TAOK3: variants seen among roughly 807,000 people sequenced by gnomAD.
The protein encoded by TAOK3 is TAO kinase 3, also known as serine/threonine-protein kinase TAO3.
A neutral mutation model predicts 120.4 loss-of-function variants in TAOK3; 40 were observed. That is an observed-to-expected ratio of 0.33 (90% CI 0.26 to 0.43). The LOEUF (loss-of-function observed/expected upper bound fraction) is 0.43, where lower values mean the gene tolerates loss of function less well. Ranked by LOEUF, TAOK3 falls within the 20% of genes least tolerant of loss-of-function variation. The pLI is 1.00. For synonymous variants in TAOK3, 355 were observed against 387.5 expected, an observed-to-expected ratio of 0.92 and a Z score of 0.99; for missense variants, 821 against 1,112.1, an observed-to-expected ratio of 0.74 and a Z score of 3.72.
intron 1 of TAOK3, among the ~76,000 whole-genome samples, chr12:118,320,408 G>A (rs1380453334): frequency 1.3e-5 from 2 of 151,642 alleles, no homozygotes; most frequent in Admixed American, 6.6e-5. Flanking sequence ...CCTGGACAAC[G>A]TAGCAAGACA....
intron 1 of TAOK3, among the ~76,000 whole-genome samples, chr12:118,291,104 C>A (rs2042460062): frequency 6.6e-6 from 1 of 151,572 alleles, no homozygotes; most frequent in Non-Finnish European, 1.5e-5. Flanking sequence ...GATCTGTCTG[C>A]CTCGGCGTCC....
chr12:118,353,663 A>G (rs968571746), intron 1 of TAOK3, among the ~76,000 whole-genome samples: 1 of 152,156 alleles, frequency 6.6e-6, no homozygotes, highest in Non-Finnish European at 1.5e-5. Context: ...ACGAGGCAAC[A>G]AGGGTCTGAA....
chr12:118,303,708 C>T (rs879580537), intron 1 of TAOK3, among the ~76,000 whole-genome samples: 13 of 152,200 alleles, frequency 8.5e-5, no homozygotes, highest in Non-Finnish European at 1.3e-4. Context: ...AGTGCAATGG[C>T]ATGATCTCGG....
intron 1 of TAOK3, among the ~76,000 whole-genome samples, chr12:118,287,136 G>A (rs1012198440): frequency 1.3e-5 from 2 of 152,028 alleles, no homozygotes; most frequent in Non-Finnish European, 2.9e-5. Flanking sequence ...TGGGTGATGG[G>A]TGCACCAAAA....
intron 3 of TAOK3, among the ~76,000 whole-genome samples, chr12:118,253,921 T>C (rs1010291347): frequency 2.0e-5 from 3 of 151,856 alleles, no homozygotes; most frequent in Non-Finnish European, 2.9e-5. Context: ...TGGTGGCACA[T>C]GCCTGTAATC....
rs1593091428 is a variant in TAOK3, at chr12:118,187,627, T to C, written c.1329+2180A>G. Among the ~76,000 whole-genome samples, 6 of 152,130 alleles carry C rather than the reference T, an allele frequency of 3.9e-5. No individual in the cohort carries two copies. In the South Asian group the frequency reaches 1.2e-3, roughly 32 times the overall value. On this transcript the variant is annotated intron_variant, in intron 14 of 20. Coordinates refer to ENST00000392533, the MANE Select transcript of TAOK3 (RefSeq NM_016281.4). ...TTTCCCCTCCCTAAAAGCCACTAGA[T>C]ACAAATACCATTGAACTCTGGTAAA... is the stretch of plus-strand genomic sequence containing the variant.
At chr12:118,332,258 C>A (rs1050371721) in intron 1 of TAOK3, among the ~76,000 whole-genome samples, 3 of 152,104 alleles carry the variant, frequency 2.0e-5, no homozygotes, top group Non-Finnish European at 4.4e-5. Context: ...CCTTATCCAC[C>A]TCCACCCTTC....
intron 9 of TAOK3, among the ~76,000 whole-genome samples, chr12:118,221,269 G>A (rs1188865601): frequency 6.6e-6 from 1 of 152,062 alleles, no homozygotes; most frequent in South Asian, 2.1e-4. Flanking sequence ...TGTAGCAAAG[G>A]CTGGAGTGAA....
intron 2 of TAOK3, among the ~76,000 whole-genome samples, chr12:118,264,341 G>A (rs746658156): frequency 2.0e-5 from 3 of 152,042 alleles, no homozygotes; most frequent in Non-Finnish European, 4.4e-5. Flanking sequence ...ATCAACAAAT[G>A]AATGGACAAT....
intron 19 of TAOK3, among the ~76,000 whole-genome samples, chr12:118,158,898 G>A (rs1170992619): frequency 6.6e-6 from 1 of 152,158 alleles, no homozygotes; most frequent in Non-Finnish European, 1.5e-5. Flanking sequence ...TCTCAAATGT[G>A]CCATCCTCTT....
intron 1 of TAOK3, among the ~76,000 whole-genome samples, chr12:118,332,459 T>C (rs1287151758): frequency 6.6e-6 from 1 of 152,216 alleles, no homozygotes; most frequent in Non-Finnish European, 1.5e-5. Context: ...TTTCTAAAAG[T>C]ACAACTACAG....
intron 3 of TAOK3, among the ~76,000 whole-genome samples, chr12:118,255,028 C>T (rs1172373960): frequency 6.6e-6 from 1 of 152,154 alleles, no homozygotes; most frequent in African/African-American, 2.4e-5. Flanking sequence ...TCCCAGAGTG[C>T]TGGGATTACA....
chr12:118,254,605 T>C (rs1226141662), intron 3 of TAOK3, among the ~76,000 whole-genome samples: 1 of 152,140 alleles, frequency 6.6e-6, no homozygotes, highest in Non-Finnish European at 1.5e-5. Context: ...GCAAAAGTAA[T>C]ACTTAAGGTA....
intron 10 of TAOK3, 132 bp downstream of exon 10, chr12:118,213,884 AG>A: frequency 1.3e-6 from 1 of 741,414 alleles, no homozygotes; most frequent in Non-Finnish European, 2.2e-6. Flanking sequence ...GTGAGGCATC[AG>A]TGTCACTTGT....
intron 1 of TAOK3, among the ~76,000 whole-genome samples, chr12:118,325,727 T>C (rs1284803227): frequency 6.6e-6 from 1 of 152,204 alleles, no homozygotes; most frequent in Non-Finnish European, 1.5e-5. Context: ...TCGCCCAGGC[T>C]GGAGTGCAGT....
At chr12:118,329,371 G>A (rs1441078905) in intron 1 of TAOK3, among the ~76,000 whole-genome samples, 2 of 152,092 alleles carry the variant, frequency 1.3e-5, no homozygotes, top group African/African-American at 2.4e-5. Flanking sequence ...TGAAGGATAC[G>A]AATTGCAAAG....
chr12:118,178,114 G>A (rs2036463164), intron 15 of TAOK3, among the ~76,000 whole-genome samples: 1 of 152,020 alleles, frequency 6.6e-6, no homozygotes, highest in Non-Finnish European at 1.5e-5. Flanking sequence ...TCCTGGCTAA[G>A]TATTTTTAAA....
intron 19 of TAOK3, among the ~76,000 whole-genome samples, chr12:118,154,682 C>T (rs1222615368): frequency 1.3e-5 from 2 of 152,114 alleles, no homozygotes; most frequent in Admixed American, 6.6e-5. Flanking sequence ...CTCAGGTGAT[C>T]CGCCTGCCTT....
intron 15 of TAOK3, among the ~76,000 whole-genome samples, chr12:118,179,262 G>C (rs938795477): frequency 6.6e-6 from 1 of 152,194 alleles, no homozygotes; most frequent in African/African-American, 2.4e-5. Context: ...CCCTGGAACT[G>C]TGTCCCCAGT....
Sources: allele counts gnomAD v4.1 joint callset (sites outside exome capture counted in the v4.1 genomes callset), GRCh38; gene constraint gnomAD v4.1.1; transcripts MANE v1.5; gene names NCBI Gene and HGNC (gene_info 2026-07-23, HGNC 2026-07-21).